The following TENM4 variants were observed in gnomAD, a reference collection of about 807,000 sequenced individuals.
The protein encoded by TENM4 is teneurin transmembrane protein 4, also known as teneurin-4.
A neutral mutation model predicts 243.3 loss-of-function variants in TENM4; 82 were observed. That is an observed-to-expected ratio of 0.34 (90% CI 0.28 to 0.40). TENM4 has a LOEUF of 0.40. Among genes scored for constraint, TENM4 ranks in the 10% least tolerant of loss-of-function variants. TENM4 has a pLI of 1.00. For missense variants in TENM4, 3,138 were observed against 3,673.3 expected (o/e 0.85, Z 3.77); for synonymous variants, 1,412 against 1,456.3 (o/e 0.97, Z 0.69).
At position 79,311,350 on chromosome 11, in the gene TENM4, T is replaced by C. The variant is rs779746480; in HGVS notation, c.-320-13807A>G. Among the ~76,000 whole-genome samples the C allele has an allele frequency of 4.6e-4, 70 of 152,190 alleles. 2 individuals carry two copies. The highest frequency in any genetic ancestry group is 1.0e-4 in the Non-Finnish European group (7 of 68,036). ...TGCGATGACAGTGACACAGGTCAGG[T>C]AGCTAGCACAGTGTCTGCCCATTAA... On this transcript the variant is annotated intron_variant, in intron 1 of 33. Transcript: ENST00000278550.
chr11:78,815,346 A>G (rs1208174320), intron 12 of TENM4, among the ~76,000 whole-genome samples: 1 of 151,960 alleles, frequency 6.6e-6, no homozygotes, highest in Admixed American at 6.6e-5. Flanking sequence ...AGATTGCACT[A>G]TTACACTCTA....
intron 2 of TENM4, among the ~76,000 whole-genome samples, chr11:79,222,085 G>A (rs1344638964): frequency 6.6e-6 from 1 of 152,228 alleles, no homozygotes; most frequent in Non-Finnish European, 1.5e-5. Context: ...AGGCATAGGT[G>A]TGCTGTGAAA....
intron 6 of TENM4, among the ~76,000 whole-genome samples, chr11:78,915,941 G>A (rs1009182992): frequency 6.6e-6 from 1 of 152,180 alleles, no homozygotes; most frequent in Non-Finnish European, 1.5e-5. Flanking sequence ...CTAAAAGGTC[G>A]CTAGAACGCA....
intron 12 of TENM4, among the ~76,000 whole-genome samples, chr11:78,845,236 C>A (rs1410001031): frequency 6.6e-6 from 1 of 152,198 alleles, no homozygotes; most frequent in Non-Finnish European, 1.5e-5. Flanking sequence ...CTCTAGCACT[C>A]AGCAAAGTAG....
In TENM4 at chr11:78,827,136, A is replaced by G. The variant is rs567833668; in HGVS notation, c.1682-12741T>C. ...TATCACTATGAAATAATGATTTGCT[A>G]TATCTAACTATATTTTTCCAGTTTA... On this transcript the variant is annotated intron_variant, in intron 12 of 33. Transcript: ENST00000278550. 1.1e-4 allele frequency among the ~76,000 whole-genome samples: 17 copies of G among 152,348 alleles called. 1 individual carries two copies. Among genetic ancestry groups the G allele is most frequent in the African/African-American group, 4.1e-4 (17 of 41,584 alleles).
At chr11:79,381,604 A>C (rs1357480475) in intron 1 of TENM4, among the ~76,000 whole-genome samples, 1 of 150,234 alleles carries the variant, frequency 6.7e-6, no homozygotes, top group Non-Finnish European at 1.5e-5. Context: ...TCTAGTGTGC[A>C]AGGTAGACAG....
At chr11:79,156,858 A>G (rs189473334) in intron 3 of TENM4, among the ~76,000 whole-genome samples, 1 of 152,342 alleles carries the variant, frequency 6.6e-6, no homozygotes. Flanking sequence ...TATGCCCCCA[A>G]GTAACTTTGA....
At chr11:78,858,926 T>C (rs773079787) in intron 10 of TENM4, among the ~76,000 whole-genome samples, 5 of 152,208 alleles carry the variant, frequency 3.3e-5, no homozygotes, top group Non-Finnish European at 7.3e-5. Flanking sequence ...CCTTCCTGTG[T>C]ATCAGTTCAG....
intron 6 of TENM4, among the ~76,000 whole-genome samples, chr11:78,995,507 G>A (rs538111696): frequency 6.6e-6 from 1 of 152,138 alleles, no homozygotes; most frequent in African/African-American, 2.4e-5. Flanking sequence ...CCTTTCATAA[G>A]AGCCATTTGG....
intron 1 of TENM4, among the ~76,000 whole-genome samples, chr11:79,363,782 A>G (rs1280904867): frequency 6.6e-6 from 1 of 152,266 alleles, no homozygotes; most frequent in Admixed American, 6.5e-5. Context: ...GCACATACTT[A>G]GGAAAAAATC....
intron 6 of TENM4, among the ~76,000 whole-genome samples, chr11:78,979,581 TG>T (rs1857745118): frequency 1.3e-5 from 2 of 152,294 alleles, no homozygotes; most frequent in African/African-American, 4.8e-5. Flanking sequence ...TACATGCATG[TG>T]TGTCTACAGC....
In TENM4 at chr11:79,236,657, C is replaced by A. The variant is rs542890908; in HGVS notation, c.-264-20748G>T. ...TATCTGGCCACATCTGCAGCAGATA[C>A]CAAATACAGGCTTTCTCAACACCCA... is the stretch of plus-strand genomic sequence containing the variant. On this transcript the variant is annotated intron_variant, in intron 2 of 33. Transcript: ENST00000278550. 6.6e-4 allele frequency among the ~76,000 whole-genome samples: 101 copies of A among 152,270 alleles called. 1 individual carries two copies. The South Asian group carries it at 0.011, about 16-fold the overall frequency.
chr11:78,742,510 C>T (rs145886419), intron 19 of TENM4, among the ~76,000 whole-genome samples: 3 of 152,306 alleles, frequency 2.0e-5, no homozygotes, highest in East Asian at 1.9e-4. Flanking sequence ...CTAAAGCCAA[C>T]GTGAAATGCC....
chr11:79,186,171 A>G (rs187551415), intron 3 of TENM4, among the ~76,000 whole-genome samples: 1 of 152,306 alleles, frequency 6.6e-6, no homozygotes, highest in East Asian at 1.9e-4. Flanking sequence ...ATATTCCTAT[A>G]TCTTGGATGA....
chr11:78,971,391 C>T (rs1050530023), intron 6 of TENM4, among the ~76,000 whole-genome samples: 1 of 152,150 alleles, frequency 6.6e-6, no homozygotes, highest in African/African-American at 2.4e-5. Context: ...CAACCTCTGC[C>T]TCCCAGGTTC....
At chr11:78,868,266 CT>C (rs748189688) in intron 9 of TENM4, among the ~76,000 whole-genome samples, 35 of 152,094 alleles carry the variant, frequency 2.3e-4, no homozygotes, top group Non-Finnish European at 1.0e-4. Context: ...GTATTTATAA[CT>C]GTTGTGCAAA....
At chr11:79,342,816 G>C (rs1857262956) in intron 1 of TENM4, among the ~76,000 whole-genome samples, 1 of 152,158 alleles carries the variant, frequency 6.6e-6, no homozygotes, top group South Asian at 2.1e-4. Flanking sequence ...ATTCCAGTTG[G>C]GCTCATTACC....
chr11:79,107,918 G>A (rs1861412804), intron 4 of TENM4, among the ~76,000 whole-genome samples: 1 of 152,198 alleles, frequency 6.6e-6, no homozygotes, highest in African/African-American at 2.4e-5. Flanking sequence ...ATAGCACTGG[G>A]ATCTGAAGCC....
intron 1 of TENM4, among the ~76,000 whole-genome samples, chr11:79,327,555 C>T (rs776719799): frequency 1.3e-5 from 2 of 152,046 alleles, no homozygotes; most frequent in Admixed American, 6.5e-5. Flanking sequence ...CATTAACATT[C>T]CCATTTTACA....
Sources: gnomAD v4.1 joint callset for allele counts (sites outside exome capture counted in the v4.1 genomes callset) on GRCh38, gnomAD v4.1.1 for gene constraint, MANE v1.5 for transcripts, NCBI Gene and HGNC (gene_info 2026-07-23, HGNC 2026-07-21) for gene names.